Variants in EML5 observed in about 807,000 individuals in gnomAD.
EML5 encodes echinoderm microtubule-associated protein-like 5.
Under a neutral mutation model 250.0 loss-of-function variants are expected in EML5, and 120 were observed. That is an observed-to-expected ratio of 0.48 (90% CI 0.41 to 0.56). EML5 has a LOEUF of 0.56. Among genes scored for constraint, EML5 ranks in the 20% least tolerant of loss-of-function variants. EML5 has a pLI of 0.00. For missense variants in EML5, 2,006 were observed against 2,437.6 expected (o/e 0.82, Z 3.73); for synonymous variants, 771 against 806.5 (o/e 0.96, Z 0.75).
chr14:88,646,034 T>C (rs752128920), intron 29 of EML5, among the ~76,000 whole-genome samples: 1 of 152,194 alleles, frequency 6.6e-6, no homozygotes, highest in Non-Finnish European at 1.5e-5. Flanking sequence ...AACCGGAACA[T>C]TGAATTTAAA....
At chr14:88,684,529 A>ACATT (rs61619654) in intron 20 of EML5, among the ~76,000 whole-genome samples, 95,247 of 149,362 alleles carry the variant, frequency 0.64, 32,321 homozygotes, top group East Asian at 0.94. Context: ...ATTTTAGCAT[A>ACATT]CATTTTTATT....
intron 21 of EML5, among the ~76,000 whole-genome samples, chr14:88,668,704 T>C (rs960677325): frequency 8.5e-5 from 13 of 152,220 alleles, no homozygotes; most frequent in African/African-American, 3.1e-4. Flanking sequence ...ATGCTTATTC[T>C]GCTGGTTGGG....
At chr14:88,744,888 T>C (rs1742035292) in intron 3 of EML5, among the ~76,000 whole-genome samples, 1 of 152,096 alleles carries the variant, frequency 6.6e-6, no homozygotes, top group South Asian at 2.1e-4. Flanking sequence ...TACAAAGTGA[T>C]GCTCTTTAGT....
At position 88,725,652 on chromosome 14, in the gene EML5, G is replaced by A. The variant is rs75343730; in HGVS notation, c.1187+889C>T. On this transcript the variant is annotated intron_variant, in intron 8 of 43. Transcript: ENST00000554922. ...CTTTATCATACTTTAGAAATAAGAA[G>A]AAAGCACACAATGTGTTTTAAAAGG... Among the ~76,000 whole-genome samples the A allele has an allele frequency of 8.7e-3, 1,328 of 152,218 alleles. 27 individuals are homozygous for A. Among genetic ancestry groups the A allele is most frequent in the African/African-American group, 0.029 (1,223 of 41,526 alleles).
chr14:88,781,026 A>G (rs2094493059), intron 1 of EML5, among the ~76,000 whole-genome samples: 1 of 152,222 alleles, frequency 6.6e-6, no homozygotes, highest in South Asian at 2.1e-4. Flanking sequence ...AAAACTAACC[A>G]TCACAAGCAG....
At chr14:88,618,423 G>T in intron 40 of EML5, 92 bp from the exon 41 acceptor site, 2 of 1,183,912 alleles carry the variant, frequency 1.7e-6, no homozygotes, top group South Asian at 1.3e-5. Flanking sequence ...ATTGCTACTT[G>T]ATTTACATGT....
At chr14:88,713,526 G>A (rs2093440020) in intron 9 of EML5, among the ~76,000 whole-genome samples, 1 of 152,016 alleles carries the variant, frequency 6.6e-6, no homozygotes, top group African/African-American at 2.4e-5. Flanking sequence ...CACCCAGGCT[G>A]GAGTTCACTG....
chr14:88,676,387 G>A (rs1307490766), intron 21 of EML5, among the ~76,000 whole-genome samples: 3 of 152,174 alleles, frequency 2.0e-5, no homozygotes, highest in East Asian at 1.9e-4. Flanking sequence ...GGAAGGAGGT[G>A]AAATGCCAGA....
intron 14 of EML5, among the ~76,000 whole-genome samples, chr14:88,700,656 G>C (rs150296448): frequency 7.8e-4 from 118 of 152,160 alleles, no homozygotes; most frequent in Non-Finnish European, 1.5e-3. Flanking sequence ...AATCACATCT[G>C]TCTACCTGAA....
At chr14:88,736,298 C>T (rs1303628402) in intron 7 of EML5, 66 bp downstream of exon 7, 1 of 1,565,700 alleles carries the variant, frequency 6.4e-7, no homozygotes, top group Non-Finnish European at 8.8e-7. Context: ...AGTGCCTGGC[C>T]ATGTTTTCTT....
chr14:88,726,554 C>G lies in EML5; in HGVS notation c.1174G>C (p.Val392Leu). The G allele has an allele frequency of 6.2e-7, 1 of 1,606,034 alleles. No individual in the cohort carries two copies. Among genetic ancestry groups the G allele is most frequent in the African/African-American group, 1.3e-5 (1 of 74,924 alleles). ...CTAATACCATACCTTACTCTAAGTA[C>G]AGTGAATGAGCCATCCTTCATTCCA... The part of the protein sequence containing the change: ...ALGMKDGSFT[V>L]LRVRDMTEVV... Residue 392 changes from valine (V) to leucine (L), a missense_variant, in exon 8 of 44, where the codon GTA (valine) becomes CTA (leucine). By Grantham distance (32) the Val-to-Leu change is conservative. This residue lies in a region of EML5 where 1,375 missense variants were observed against 1,590.3 expected (regional missense o/e 0.86). Transcript: ENST00000554922.
intron 10 of EML5, among the ~76,000 whole-genome samples, chr14:88,709,571 T>C (rs539581192): frequency 6.6e-6 from 1 of 152,196 alleles, no homozygotes; most frequent in Non-Finnish European, 1.5e-5. Flanking sequence ...CCAACTGGGT[T>C]TGCAAAAGTT....
chr14:88,741,488 T>C (rs2093924769), intron 4 of EML5, among the ~76,000 whole-genome samples: 1 of 152,180 alleles, frequency 6.6e-6, no homozygotes, highest in African/African-American at 2.4e-5. Context: ...AGGGCTTTTG[T>C]TCTATTAGGT....
chr14:88,618,902 AGT>A, intron 39 of EML5, 90 bp from the exon 40 acceptor site: 1 of 1,365,232 alleles, frequency 7.3e-7, no homozygotes, highest in Non-Finnish European at 9.8e-7. Flanking sequence ...AGTTCTTAAA[AGT>A]AACGTGTGAT....
chr14:88,616,934 A>G, intron 41 of EML5, 55 bp from the exon 42 acceptor site: 1 of 1,557,410 alleles, frequency 6.4e-7, no homozygotes, highest in Non-Finnish European at 8.7e-7. Flanking sequence ...CAGGTTGACT[A>G]TATTCAAAAA....
chr14:88,693,371 G>T (rs4904463), intron 17 of EML5, among the ~76,000 whole-genome samples: 18 of 152,202 alleles, frequency 1.2e-4, no homozygotes, highest in African/African-American at 4.3e-4. Context: ...GCAAAGTCAC[G>T]TCTTACATGG....
At chr14:88,780,001 G>A (rs901049807) in intron 1 of EML5, among the ~76,000 whole-genome samples, 1 of 152,040 alleles carries the variant, frequency 6.6e-6, no homozygotes, top group Admixed American at 6.6e-5. Context: ...CCAGGATGGA[G>A]TACAGTGGTG....
intron 3 of EML5, among the ~76,000 whole-genome samples, chr14:88,744,380 A>G (rs2093974318): frequency 1.3e-5 from 2 of 152,042 alleles, no homozygotes; most frequent in Non-Finnish European, 2.9e-5. Flanking sequence ...AATAACAAGA[A>G]TGGTTGAACA....
intron 29 of EML5, 45 bp from the exon 30 acceptor site, chr14:88,644,556 T>G: frequency 1.9e-6 from 3 of 1,565,784 alleles, no homozygotes; most frequent in Non-Finnish European, 2.6e-6. Flanking sequence ...CAGCACTCAG[T>G]GCCTTCACTG....
Sources: allele counts gnomAD v4.1 joint callset (sites outside exome capture counted in the v4.1 genomes callset), GRCh38; gene constraint gnomAD v4.1.1; regional missense constraint gnomAD v4.1.1; transcripts MANE v1.5; gene names NCBI Gene and HGNC (gene_info 2026-07-23, HGNC 2026-07-21).